The following SLC13A3 variants were observed in gnomAD, a reference collection of about 807,000 sequenced individuals.
SLC13A3 encodes the protein Na(+)/dicarboxylate cotransporter 3.
A neutral mutation model predicts 59.0 loss-of-function variants in SLC13A3; 40 were observed. That is an observed-to-expected ratio of 0.68 (90% CI 0.53 to 0.88). The LOEUF (loss-of-function observed/expected upper bound fraction) is 0.88. Among genes scored for constraint, SLC13A3 ranks in the 40% least tolerant of loss-of-function variants. SLC13A3 has a pLI of 0.00. For synonymous variants in SLC13A3, 317 were observed against 330.3 expected (o/e 0.96, Z 0.44); for missense variants, 699 against 783.2 (o/e 0.89, Z 1.28).
chr20:46,658,222 T>A (rs1415615793), intron 1 of SLC13A3, among the ~76,000 whole-genome samples: 1 of 151,982 alleles, frequency 6.6e-6, no homozygotes, highest in African/African-American at 2.4e-5. Context: ...AAAAAACCCA[T>A]TATGCTATAT....
At chr20:46,592,787 T>A (rs2062273311) in intron 5 of SLC13A3, among the ~76,000 whole-genome samples, 1 of 152,162 alleles carries the variant, frequency 6.6e-6, no homozygotes, top group African/African-American at 2.4e-5. Context: ...GCCAGACAGG[T>A]ACCTGAGTGA....
At chr20:46,582,600 TA>T (rs202135685) in intron 9 of SLC13A3, 3,637 of 772,672 alleles carry the variant, frequency 4.7e-3, no homozygotes, top group Non-Finnish European at 5.0e-3. Flanking sequence ...GAGACCCCAT[TA>T]AAAAAAAAAG....
At chr20:46,651,639 G>A (rs2062953227), upstream of SLC13A3, among the ~76,000 whole-genome samples, 1 of 152,252 alleles carries the variant, frequency 6.6e-6, no homozygotes, top group Non-Finnish European at 1.5e-5. Flanking sequence ...TTAGCAAACG[G>A]GACCCCAGCC....
chr20:46,605,121 G>A (rs747792866), intron 3 of SLC13A3, among the ~76,000 whole-genome samples: 2 of 152,222 alleles, frequency 1.3e-5, no homozygotes, highest in Non-Finnish European at 2.9e-5. Flanking sequence ...ATAAGGCAGT[G>A]AAGGGTATTC....
intron 10 of SLC13A3, 135 bp from the exon 11 acceptor site, chr20:46,566,525 G>A: frequency 1.0e-6 from 1 of 978,232 alleles, no homozygotes; most frequent in South Asian, 1.8e-5. Context: ...GAGAGGGGAG[G>A]TGACGTGTCC....
intron 1 of SLC13A3, among the ~76,000 whole-genome samples, chr20:46,634,298 G>A (rs939009875): frequency 1.3e-5 from 2 of 152,162 alleles, no homozygotes; most frequent in Non-Finnish European, 2.9e-5. Context: ...TTTCCAGAGG[G>A]AGAGACTGAG....
intron 1 of SLC13A3, among the ~76,000 whole-genome samples, chr20:46,627,529 A>G (rs2062686834): frequency 6.6e-6 from 1 of 152,060 alleles, no homozygotes; most frequent in Non-Finnish European, 1.5e-5. Flanking sequence ...CCGTGATGCC[A>G]GCTCTCCTGA....
chr20:46,653,522 CA>C (rs2062966081), upstream of SLC13A3, among the ~76,000 whole-genome samples: 1 of 151,804 alleles, frequency 6.6e-6, no homozygotes, highest in Non-Finnish European at 1.5e-5. Flanking sequence ...AACAAACAAA[CA>C]AAAAAAGAAC....
At chr20:46,622,853 G>A (rs747774182) in intron 1 of SLC13A3, among the ~76,000 whole-genome samples, 1 of 152,128 alleles carries the variant, frequency 6.6e-6, no homozygotes, top group Non-Finnish European at 1.5e-5. Flanking sequence ...TAACTTTGAT[G>A]ATTTCAAGTA....
chr20:46,637,349 G>C (rs1227132997), intron 1 of SLC13A3, among the ~76,000 whole-genome samples: 1 of 152,194 alleles, frequency 6.6e-6, no homozygotes, highest in African/African-American at 2.4e-5. Context: ...CCAAGAATAA[G>C]AATGACAAGG....
chr20:46,591,107 T>C (rs1481845425), intron 6 of SLC13A3, among the ~76,000 whole-genome samples: 4 of 151,582 alleles, frequency 2.6e-5, no homozygotes, highest in Non-Finnish European at 5.9e-5. Context: ...GAGGTGGAGG[T>C]TGCACTCCGA....
chr20:46,608,728 G>A (rs910885707), intron 3 of SLC13A3: 27 of 885,590 alleles, frequency 3.0e-5, no homozygotes, highest in African/African-American at 1.3e-4. Flanking sequence ...TAACAGATAC[G>A]TATTTAATTT....
intron 1 of SLC13A3, among the ~76,000 whole-genome samples, chr20:46,628,647 T>G (rs1266443494): frequency 6.6e-6 from 1 of 152,164 alleles, no homozygotes; most frequent in Non-Finnish European, 1.5e-5. Context: ...ACCAAGCAAC[T>G]CTCTAGTGCT....
chr20:46,632,931 C>CCA (rs1568947791), intron 1 of SLC13A3, among the ~76,000 whole-genome samples: 81 of 34,608 alleles, frequency 2.3e-3, no homozygotes, highest in African/African-American at 7.9e-3. Flanking sequence ...ATCTATCTAT[C>CCA]TATCTATCTA....
upstream of SLC13A3, among the ~76,000 whole-genome samples, chr20:46,671,523 A>C (rs2063091767): frequency 6.6e-6 from 1 of 152,190 alleles, no homozygotes; most frequent in Non-Finnish European, 1.5e-5. Context: ...TCATTAAAAA[A>C]AAAAGATAAA....
chr20:46,648,075 T>G (rs1288302865), intron 1 of SLC13A3, among the ~76,000 whole-genome samples: 5 of 152,292 alleles, frequency 3.3e-5, no homozygotes, highest in Non-Finnish European at 7.4e-5. Context: ...GTTTTGAAGT[T>G]AGTCCACCAG....
At chr20:46,665,332 A>T (rs2063056872) in intron 1 of SLC13A3, among the ~76,000 whole-genome samples, 1 of 152,072 alleles carries the variant, frequency 6.6e-6, no homozygotes, top group African/African-American at 2.4e-5. Context: ...CCATCACTAC[A>T]ATCAATTTAA....
At chr20:46,584,962 A>G (rs1355394033) in intron 8 of SLC13A3, 1 of 174,478 alleles carries the variant, frequency 5.7e-6, no homozygotes, top group Non-Finnish European at 1.1e-5. Flanking sequence ...ACGTCAATCT[A>G]TGTATTGACA....
At chr20:46,665,204 T>C (rs1201381055) in intron 1 of SLC13A3, among the ~76,000 whole-genome samples, 1 of 151,898 alleles carries the variant, frequency 6.6e-6, no homozygotes, top group Admixed American at 6.6e-5. Flanking sequence ...ATGTCAAGGC[T>C]TCAGAGAGTG....
Sources: gnomAD v4.1 joint callset for allele counts (sites outside exome capture counted in the v4.1 genomes callset) on GRCh38, gnomAD v4.1.1 for gene constraint, MANE v1.5 for transcripts, NCBI Gene and HGNC (gene_info 2026-07-23, HGNC 2026-07-21) for gene names.